SGTA: variants seen among roughly 807,000 people sequenced by gnomAD.
The protein encoded by SGTA is small glutamine-rich tetratricopeptide repeat-containing protein alpha.
SGTA carries 22 observed loss-of-function variants against 44.3 expected under a neutral mutation model. The ratio of observed to expected loss-of-function variants is 0.50; its 90% CI spans 0.36 to 0.71. SGTA has a LOEUF of 0.71. SGTA is among the 30% of genes least tolerant of loss of function. The pLI, the probability that SGTA is intolerant of heterozygous loss-of-function variation, is 0.00. For missense variants in SGTA, 341 were observed against 435.9 expected (o/e 0.78, Z 1.94); for synonymous variants, 174 against 177.6 (o/e 0.98, Z 0.16).
At position 2,755,710 on chromosome 19, in the gene SGTA, G is replaced by A; in HGVS notation, c.*230C>T. On this transcript the variant is annotated 3_prime_UTR_variant, in exon 12 of 12. Coordinates refer to ENST00000221566, the MANE Select transcript of SGTA (RefSeq NM_003021.4). The surrounding 1 kb of genome is among the most constrained non-coding windows in gnomAD (Gnocchi z 5.2). ...GGAAGGGAGGTCGCTGCTGGTCTGT[G>A]CTCAGCTTGCTGGCTCTCGTTTCAA... 4.1e-6 allele frequency: 4 copies of A among 985,528 alleles called. No individual in the cohort carries two copies. The highest frequency in any genetic ancestry group is 4.8e-6 in the Non-Finnish European group (4 of 830,004). The allele number at this position is 985,528 out of a possible 1,614,324, so 61.0% of individuals were successfully genotyped here. A position where few individuals can be genotyped will look rare whatever the true frequency, so the allele number is the denominator to read the frequency against.
rs1284396953 is a variant in SGTA at position 2,763,049 on chromosome 19, CT to C, written c.498-406del. 6.1e-5 allele frequency among the ~76,000 whole-genome samples: 8 copies of C among 131,290 alleles called. No homozygotes were observed. In the South Asian group the frequency reaches 1.6e-3, roughly 26 times the overall value. The allele number at this position is 131,290 out of a possible 152,430, so 86.1% of individuals were successfully genotyped here. On this transcript the variant is annotated intron_variant, in intron 6 of 11. Transcript: ENST00000221566. The surrounding 1 kb of genome is among the most constrained non-coding windows in gnomAD (Gnocchi z 5.8). ...GTCTCCCGTCATCCACAAGCAGCCC[CT>C]GACCCCCACCTGAGTGAGTCTTCAC...
At chr19:2,769,646 C>T (rs1257534428) in intron 1 of SGTA, among the ~76,000 whole-genome samples, 1 of 152,216 alleles carries the variant, frequency 6.6e-6, no homozygotes, top group Non-Finnish European at 1.5e-5. Flanking sequence ...CCTGGTATCA[C>T]TGTTTCACAG....
chr19:2,775,440 C>T (rs757519404), intron 1 of SGTA, among the ~76,000 whole-genome samples: 3 of 152,378 alleles, frequency 2.0e-5, no homozygotes, highest in African/African-American at 7.2e-5. Context: ...ACACCGGCGA[C>T]GTGGACCTCC....
intron 10 of SGTA, 95 bp downstream of exon 10, chr19:2,757,598 G>A (rs1914860379): frequency 6.9e-7 from 1 of 1,445,164 alleles, no homozygotes; most frequent in Admixed American, 2.3e-5. Context: ...CTTCGGAGCA[G>A]GGGACGCAGC....
intron 6 of SGTA, among the ~76,000 whole-genome samples, chr19:2,762,867 G>A (rs1408610775): frequency 1.3e-5 from 2 of 152,206 alleles, no homozygotes; most frequent in African/African-American, 4.8e-5. Flanking sequence ...AAGAACTGGA[G>A]TCCCCATGGG....
intron 1 of SGTA, among the ~76,000 whole-genome samples, chr19:2,781,127 C>T (rs1217149328): frequency 6.6e-6 from 1 of 152,136 alleles, no homozygotes; most frequent in South Asian, 2.1e-4. Context: ...CACTTCCTAC[C>T]AGAGCCACTG....
chr19:2,769,182 T>A, intron 1 of SGTA, 91 bp from the exon 2 acceptor site: 1 of 725,774 alleles, frequency 1.4e-6, no homozygotes, highest in Non-Finnish European at 2.4e-6. Flanking sequence ...GGCCTCACTT[T>A]AAGGGTGCTG....
chr19:2,780,680 C>T (rs56752952), intron 1 of SGTA, among the ~76,000 whole-genome samples: 2 of 152,188 alleles, frequency 1.3e-5, no homozygotes, highest in Non-Finnish European at 2.9e-5. Flanking sequence ...CATCTGGCAG[C>T]GTCTAAACCC....
intron 8 of SGTA, among the ~76,000 whole-genome samples, chr19:2,760,261 G>A (rs940082566): frequency 4.6e-5 from 7 of 152,056 alleles, no homozygotes; most frequent in Non-Finnish European, 8.8e-5. Flanking sequence ...GCTCACACCT[G>A]TAATCCCAGC....
chr19:2,755,812 G>A lies in SGTA; in HGVS notation c.*128C>T, dbSNP rs1222382271. 1 of 985,534 alleles carries A rather than the reference G, an allele frequency of 1.0e-6. No individual in the cohort carries two copies. The highest frequency in any genetic ancestry group is 1.2e-6 in the Non-Finnish European group (1 of 830,004). 61.0% of individuals were successfully genotyped at this position (985,534 alleles called of 1,614,324 possible). ...GAGATAAAAGGGGAAAATCCATCTT[G>A]ACATGCAGGTCCGAGGTCTCTCTCT... On this transcript the variant is annotated 3_prime_UTR_variant, in exon 12 of 12. Transcript: ENST00000221566. This position sits in a 1 kb window ranked among gnomAD's most constrained non-coding sequence, Gnocchi z 5.2.
chr19:2,758,124 A>G (rs10424287), intron 9 of SGTA, among the ~76,000 whole-genome samples: 53,936 of 152,066 alleles, frequency 0.35, 11,428 homozygotes, highest in East Asian at 0.66. Context: ...CATGGAGTGG[A>G]TGGAGGCTAG....
chr19:2,772,418 T>C (rs1915334410), intron 1 of SGTA, among the ~76,000 whole-genome samples: 1 of 152,218 alleles, frequency 6.6e-6, no homozygotes, highest in Non-Finnish European at 1.5e-5. Flanking sequence ...CCACGGCTCC[T>C]CCTTCTGAGC....
rs1308785078 is a variant in SGTA at position 2,767,161 on chromosome 19, T to G, written c.267A>C (p.Ala89=). 11 of 1,612,632 alleles carry G rather than the reference T, an allele frequency of 6.8e-6. No homozygotes were observed. Among genetic ancestry groups the G allele is most frequent in the Non-Finnish European group, 9.3e-6 (11 of 1,179,492 alleles). The change falls in exon 4 of 12, where the codon GCA becomes GCC. Residue 89 remains alanine (A), a synonymous_variant. Transcript: ENST00000221566. The surrounding 1 kb of genome is among the most constrained non-coding windows in gnomAD (Gnocchi z 7.3). ...ARTPPSEEDS[A]EAERLKTEGN... ...CTTCGGTTTTGAGGCGCTCTGCCTC[T>G]GCTGAGTCCTCCTCGGAAGGCGGGG...
chr19:2,771,048 AT>A (rs1915290019), intron 1 of SGTA, among the ~76,000 whole-genome samples: 1 of 152,200 alleles, frequency 6.6e-6, no homozygotes, highest in Admixed American at 6.5e-5. Flanking sequence ...GGGGAGCTCC[AT>A]TGTGGCTGCT....
At chr19:2,768,634 C>T (rs1915216030) in intron 2 of SGTA, among the ~76,000 whole-genome samples, 1 of 152,188 alleles carries the variant, frequency 6.6e-6, no homozygotes, top group Non-Finnish European at 1.5e-5. Context: ...TCCCCGTGAC[C>T]GATGGTGACA....
chr19:2,772,003 C>T (rs961840798), intron 1 of SGTA, among the ~76,000 whole-genome samples: 5 of 152,252 alleles, frequency 3.3e-5, no homozygotes, highest in African/African-American at 1.2e-4. Context: ...ATCTCTGTCC[C>T]TCACTGGCTG....
At position 2,769,043 on chromosome 19, in the gene SGTA, T is replaced by C. The variant is rs746266956; in HGVS notation, c.26A>G (p.Tyr9Cys). 6.2e-7 allele frequency: 1 copy of C among 1,613,962 alleles called. No individual in the cohort carries two copies. The highest frequency in any genetic ancestry group is 8.5e-7 in the Non-Finnish European group (1 of 1,179,908). The change falls in exon 2 of 12, where the codon TAC becomes TGC. Residue 9 changes from tyrosine to cysteine, a missense_variant. Transcript: ENST00000221566. MDNKKRLA[Y>C]AIIQFLHDQL... ...GTCATGCAGGAACTGGATGATGGCG[T>C]AGGCCAGGCGCTTCTTGTTGTCCAT... is the stretch of plus-strand genomic sequence containing the variant.
At chr19:2,766,691 C>T (rs2144728686) in intron 4 of SGTA, among the ~76,000 whole-genome samples, 1 of 152,252 alleles carries the variant, frequency 6.6e-6, no homozygotes, top group Non-Finnish European at 1.5e-5. Context: ...CCGCCTCGGC[C>T]TCCCAAAGAG....
chr19:2,783,065 G>A (rs1361924489), intron 1 of SGTA, among the ~76,000 whole-genome samples, 168 bp downstream of exon 1: 10 of 152,244 alleles, frequency 6.6e-5, no homozygotes, highest in Admixed American at 5.9e-4. Flanking sequence ...GGGCCTGCCC[G>A]ATGGCGCCCG....
Sources: allele counts gnomAD v4.1 joint callset (sites outside exome capture counted in the v4.1 genomes callset), GRCh38; gene constraint gnomAD v4.1.1; non-coding constraint Gnocchi (gnomAD v3.1); transcripts MANE v1.5; gene names NCBI Gene and HGNC (gene_info 2026-07-23, HGNC 2026-07-21).